The following PTPRA variants were observed in gnomAD, a reference collection of about 807,000 sequenced individuals.
PTPRA encodes receptor-type tyrosine-protein phosphatase alpha.
Under a neutral mutation model 104.8 loss-of-function variants are expected in PTPRA, and 25 were observed. The observed-to-expected ratio is 0.24, with a 90% CI of 0.17 to 0.33. The LOEUF is 0.33. Ranked by LOEUF, PTPRA falls within the 10% of genes least tolerant of loss-of-function variation. The pLI is 1.00. For synonymous variants in PTPRA, 323 were observed against 368.9 expected (o/e 0.88, Z 1.43); for missense variants, 765 against 1,015.3 (o/e 0.75, Z 3.35).
the PTPRA span, among the ~76,000 whole-genome samples, chr20:2,866,901 T>G: frequency 2.6e-5 from 4 of 152,190 alleles, no homozygotes; most frequent in African/African-American, 9.7e-5. Context: ...AAGGAAAGCT[T>G]TCTCTATCTC....
intron 9 of PTPRA, 53 bp from the exon 10 acceptor site, chr20:3,005,003 T>G: frequency 1.4e-6 from 2 of 1,465,824 alleles, no homozygotes; most frequent in Non-Finnish European, 1.9e-6. Flanking sequence ...GCAGTTTGCA[T>G]GTTTGATGTT....
chr20:3,013,127 T>C (rs1457274859), intron 11 of PTPRA, among the ~76,000 whole-genome samples: 1 of 151,188 alleles, frequency 6.6e-6, no homozygotes, highest in Non-Finnish European at 1.5e-5. Flanking sequence ...CCTCAGTGTC[T>C]AAATACAATT....
chr20:2,864,787 C>T, the PTPRA span: 15 of 1,169,424 alleles, frequency 1.3e-5, no homozygotes, highest in East Asian at 4.8e-5. This position sits in a 1 kb window ranked among gnomAD's most constrained non-coding sequence, Gnocchi z 5.2. Flanking sequence ...GAGACTCTGA[C>T]GTGAGGCCAG....
At position 3,037,053 on chromosome 20, in the gene PTPRA, C is replaced by T; in HGVS notation, c.2199-101C>T. The T allele has an allele frequency of 1.3e-6, 2 of 1,518,016 alleles. No individual in the cohort carries two copies. The highest frequency in any genetic ancestry group is 2.3e-5 in the East Asian group (1 of 43,842). 94.0% of individuals were successfully genotyped at this position (1,518,016 alleles called of 1,614,324 possible). A position where few individuals can be genotyped will look rare whatever the true frequency, so the allele number is the denominator to read the frequency against. The stretch of plus-strand genomic sequence containing the variant: ...TGGGTCCACAGGGCAAAGGCGAGCA[C>T]CAGCTGCCTGCCCCCACCTCTTCTG... On this transcript the variant is annotated intron_variant, in intron 22 of 23. Transcript: ENST00000399903. This position sits in a 1 kb window ranked among gnomAD's most constrained non-coding sequence, Gnocchi z 4.3.
intron 17 of PTPRA, among the ~76,000 whole-genome samples, chr20:3,026,012 C>A (rs1226711515): frequency 6.6e-6 from 1 of 150,610 alleles, no homozygotes; most frequent in Non-Finnish European, 1.5e-5. Context: ...ATGGCGCGAT[C>A]TCAGCTCACT....
intron 13 of PTPRA, among the ~76,000 whole-genome samples, chr20:3,020,245 G>A (rs1443549767): frequency 6.6e-6 from 1 of 152,046 alleles, no homozygotes; most frequent in Non-Finnish European, 1.5e-5. Context: ...AGTACCACCC[G>A]CCACCACGCC....
upstream of PTPRA, among the ~76,000 whole-genome samples, chr20:2,872,708 C>G (rs985358788): frequency 1.3e-5 from 2 of 152,232 alleles, no homozygotes; most frequent in African/African-American, 4.8e-5. The surrounding 1 kb of genome is among the most constrained non-coding windows in gnomAD (Gnocchi z 7.9). Context: ...GTGTCACGCA[C>G]CAGACGCCGT....
At position 2,908,489 on chromosome 20, in the gene PTPRA, G is replaced by A. The variant is rs141151570; in HGVS notation, c.-128-14718G>A. On this transcript the variant is annotated intron_variant, in intron 1 of 23. Transcript: ENST00000399903. ...AGTGTGCATAGATTTTGGTATCCAC[G>A]GTTGATCCACAGATACCAAGGGATG... is the stretch of plus-strand genomic sequence containing the variant. Among the ~76,000 whole-genome samples the A allele has an allele frequency of 5.9e-3, 901 of 152,222 alleles. 7 individuals carry two copies. Among genetic ancestry groups the A allele is most frequent in the African/African-American group, 0.021 (864 of 41,534 alleles).
chr20:3,026,665 T>C lies in PTPRA; in HGVS notation c.1615-22T>C, dbSNP rs45605233. 8.5e-3 allele frequency: 13,230 copies of C among 1,564,482 alleles called. 95 individuals carry two copies. The highest frequency in any genetic ancestry group is 9.6e-3 in the Non-Finnish European group (10,892 of 1,135,106). Reference sequence around the variant, plus strand: ...TTCAGTTACTGGGATCAGTAATGTTTCCCCTCCCCTTCCCAATTCAGAAGT... The same window carrying C: ...TTCAGTTACTGGGATCAGTAATGTTCCCCCTCCCCTTCCCAATTCAGAAGT... On this transcript the variant is annotated intron_variant, in intron 17 of 23. Transcript: ENST00000399903.
chr20:2,964,860 G>A lies in PTPRA; in HGVS notation c.74-1G>A, dbSNP rs111902505. The A allele has an allele frequency of 6.2e-7, 1 of 1,610,062 alleles. No homozygotes were observed. ...ATTTCCTTGTTTTTTGGTGTTTGTAGTTGCACCTTCTGTAGGAATTACAAG... is the reference window on the plus strand; with the variant it reads ...ATTTCCTTGTTTTTTGGTGTTTGTAATTGCACCTTCTGTAGGAATTACAAG... On this transcript the variant is annotated splice_acceptor_variant, in intron 4 of 23. Transcript: ENST00000399903. LOFTEE classifies it high-confidence loss of function.
intron 2 of PTPRA, among the ~76,000 whole-genome samples, chr20:2,927,315 T>C (rs566315634): frequency 6.6e-6 from 1 of 152,348 alleles, no homozygotes; most frequent in South Asian, 2.1e-4. Context: ...GACCCTGGGC[T>C]ATTCAAATGA....
chr20:2,942,864 C>T (rs1235519486), intron 2 of PTPRA, among the ~76,000 whole-genome samples: 1 of 151,864 alleles, frequency 6.6e-6, no homozygotes, highest in Admixed American at 6.6e-5. Flanking sequence ...CCAGTGGATG[C>T]CTAAAACCAC....
At chr20:2,978,398 T>A (rs868607699) in intron 6 of PTPRA, among the ~76,000 whole-genome samples, 1 of 152,104 alleles carries the variant, frequency 6.6e-6, no homozygotes, top group Non-Finnish European at 1.5e-5. Flanking sequence ...AACCTTGCCT[T>A]TGAGAGCTGA....
At chr20:2,874,406 A>C (rs1184484997) in intron 1 of PTPRA, among the ~76,000 whole-genome samples, 1 of 151,634 alleles carries the variant, frequency 6.6e-6, no homozygotes, top group Non-Finnish European at 1.5e-5. Context: ...AAAAAAAAAT[A>C]GCAGAGCAGA....
intron 2 of PTPRA, among the ~76,000 whole-genome samples, chr20:2,925,582 G>C (rs1165496454): frequency 1.3e-5 from 2 of 152,188 alleles, no homozygotes; most frequent in East Asian, 1.9e-4. Flanking sequence ...GGGAGGCCGA[G>C]GCAGGCGGAT....
At chr20:3,030,002 T>G (rs1296411949) in intron 20 of PTPRA, among the ~76,000 whole-genome samples, 1 of 152,198 alleles carries the variant, frequency 6.6e-6, no homozygotes, top group East Asian at 1.9e-4. Context: ...TGATGGAACC[T>G]GCAGATCAGA....
At chr20:2,869,755 C>T (rs1369011967), upstream of PTPRA, among the ~76,000 whole-genome samples, 1 of 152,118 alleles carries the variant, frequency 6.6e-6, no homozygotes, top group Admixed American at 6.5e-5. Flanking sequence ...CACCTGGGGT[C>T]AGGAGTTTGA....
At chr20:2,993,108 T>C (rs1233614711) in intron 9 of PTPRA, among the ~76,000 whole-genome samples, 1 of 152,186 alleles carries the variant, frequency 6.6e-6, no homozygotes, top group African/African-American at 2.4e-5. Context: ...GGTAGATTGA[T>C]TGATTGATCA....
intron 1 of PTPRA, among the ~76,000 whole-genome samples, chr20:2,899,640 A>T (rs1194698542): frequency 6.6e-6 from 1 of 152,208 alleles, no homozygotes; most frequent in East Asian, 1.9e-4. Flanking sequence ...CAAGATGCCA[A>T]ATCATCAATT....
Sources: allele counts gnomAD v4.1 joint callset (sites outside exome capture counted in the v4.1 genomes callset), GRCh38; gene constraint gnomAD v4.1.1; non-coding constraint Gnocchi (gnomAD v3.1); transcripts MANE v1.5; gene names NCBI Gene and HGNC (gene_info 2026-07-23, HGNC 2026-07-21).